DSCAML1: variants seen among roughly 807,000 people sequenced by gnomAD.
The protein encoded by DSCAML1 is DS cell adhesion molecule like 1, also known as cell adhesion molecule DSCAML1.
In DSCAML1, 38 loss-of-function variants were observed where a neutral mutation model predicts 200.5. That is an observed-to-expected ratio of 0.19 (90% CI 0.15 to 0.25). The LOEUF (loss-of-function observed/expected upper bound fraction) is 0.25, where lower values mean the gene tolerates loss of function less well. Among genes scored for constraint, DSCAML1 ranks in the 10% least tolerant of loss-of-function variants. The pLI, the probability that DSCAML1 is intolerant of heterozygous loss-of-function variation, is 1.00. For missense variants in DSCAML1, 2,223 were observed against 2,858.8 expected, an observed-to-expected ratio of 0.78 and a Z score of 5.07; for synonymous variants, 1,215 against 1,165.0, an observed-to-expected ratio of 1.04 and a Z score of -0.87.
chr11:117,590,053 A>G (rs1174491524), intron 3 of DSCAML1, among the ~76,000 whole-genome samples: 1 of 152,184 alleles, frequency 6.6e-6, no homozygotes, highest in Non-Finnish European at 1.5e-5. Context: ...CTGCATTGTT[A>G]TTTATTTAAT....
chr11:117,778,131 C>T (rs1283445273), intron 2 of DSCAML1, among the ~76,000 whole-genome samples: 1 of 152,216 alleles, frequency 6.6e-6, no homozygotes. Flanking sequence ...CTCTTCCCGG[C>T]CCTCCCTCGG....
In DSCAML1 at chr11:117,504,959, T is replaced by C; in HGVS notation, c.2147A>G (p.Tyr716Cys). ...CTTCCACATGACCTTGGGTGGGGGGTAGCCGTCCACCGAGCAGTTGAGCAC... is the reference window on the plus strand; with the variant it reads ...CTTCCACATGACCTTGGGTGGGGGGCAGCCGTCCACCGAGCAGTTGAGCAC... ...AGVLNCSVDGYPPPKVMWKHA... is the reference protein window; with the variant it reads ...AGVLNCSVDGCPPPKVMWKHA... The change falls in exon 10 of 33, where the codon TAC (tyrosine) becomes TGC (cysteine). Residue 716 changes from tyrosine (Y) to cysteine (C), a missense_variant. Around this residue, in one of 7 missense-constraint regions of DSCAML1, gnomAD observed 212 missense variants for 368.0 expected, o/e 0.58. Transcript: ENST00000651296. The surrounding 1 kb of genome is among the most constrained non-coding windows in gnomAD (Gnocchi z 5.0). The C allele has an allele frequency of 6.2e-7, 1 of 1,608,090 alleles. No homozygotes were observed. Among genetic ancestry groups the C allele is most frequent in the Non-Finnish European group, 8.5e-7 (1 of 1,176,542 alleles).
chr11:117,637,056 C>T (rs1405089001), intron 3 of DSCAML1, among the ~76,000 whole-genome samples: 3 of 152,250 alleles, frequency 2.0e-5, no homozygotes, highest in Non-Finnish European at 2.9e-5. Flanking sequence ...TTTGCACATG[C>T]TGTTCCCTGA....
At chr11:117,757,766 G>A (rs1028320319) in intron 3 of DSCAML1, among the ~76,000 whole-genome samples, 5 of 151,936 alleles carry the variant, frequency 3.3e-5, no homozygotes, top group South Asian at 2.1e-4. Flanking sequence ...TGAGGCGGGC[G>A]GATCACCTGA....
At chr11:117,806,445 G>C (rs1565294506) in intron 1 of DSCAML1, among the ~76,000 whole-genome samples, 2 of 152,240 alleles carry the variant, frequency 1.3e-5, no homozygotes, top group Non-Finnish European at 1.5e-5. Flanking sequence ...GAACTGGCGG[G>C]CTAATTGTTT....
chr11:117,430,957 A>C lies in DSCAML1; in HGVS notation c.5451T>G (p.His1817Gln). ...GCTGCAGCTGCTCCTCCAGCTTGGC[A>C]TGCTCATAGGCCCGGGCCAGCTCCT... ...TYEELARAYE[H>Q]AKLEEQLQHA... is the part of the protein sequence containing the mutation. Residue 1817 changes from histidine (H) to glutamine (Q), a missense_variant, in exon 32 of 33, where the codon CAT becomes CAG. Physicochemically the swap from His to Gln is conservative, Grantham distance 24 (BLOSUM62 0). Transcript: ENST00000651296. The C allele has an allele frequency of 6.2e-7, 1 of 1,614,168 alleles. No homozygotes were observed. Among genetic ancestry groups the C allele is most frequent in the Non-Finnish European group, 8.5e-7 (1 of 1,180,030 alleles).
rs574356773 is a variant in DSCAML1 at position 117,571,031 on chromosome 11, G to A, written c.512-38509C>T. On this transcript the variant is annotated intron_variant, in intron 3 of 32. Coordinates refer to ENST00000651296, the MANE Select transcript of DSCAML1 (RefSeq NM_020693.4). Reference sequence around the variant, plus strand: ...ACTCTTGGCCTCTTGCAGAACCTGTGCCTATGATGATGTTTTGCTGGGCAC... The same window carrying A: ...ACTCTTGGCCTCTTGCAGAACCTGTACCTATGATGATGTTTTGCTGGGCAC... Among the ~76,000 whole-genome samples the A allele has an allele frequency of 2.0e-5, 3 of 152,362 alleles. No homozygotes were observed. The South Asian group carries it at 6.2e-4, about 32-fold the overall frequency.
chr11:117,785,208 G>C (rs2055328855), intron 1 of DSCAML1, among the ~76,000 whole-genome samples: 1 of 152,228 alleles, frequency 6.6e-6, no homozygotes, highest in African/African-American at 2.4e-5. Context: ...TAAAGGACAG[G>C]GGGAGCAGGA....
chr11:117,459,023 C>CT, intron 18 of DSCAML1, 114 bp from the exon 19 acceptor site: 1 of 1,380,338 alleles, frequency 7.2e-7, no homozygotes, highest in Non-Finnish European at 9.9e-7. Flanking sequence ...GCCCTCGACT[C>CT]CATGGTGGCG....
intron 3 of DSCAML1, among the ~76,000 whole-genome samples, chr11:117,537,921 A>G (rs2050198006): frequency 6.6e-6 from 1 of 152,204 alleles, no homozygotes; most frequent in Non-Finnish European, 1.5e-5. Flanking sequence ...TGTTGTTTAA[A>G]GCCACCCAGT....
chr11:117,731,684 A>G (rs750028447), intron 3 of DSCAML1, among the ~76,000 whole-genome samples: 1 of 152,174 alleles, frequency 6.6e-6, no homozygotes, highest in Non-Finnish European at 1.5e-5. Context: ...GTCGTTTAAT[A>G]CCACAATACA....
At chr11:117,696,559 A>G (rs535417804) in intron 3 of DSCAML1, among the ~76,000 whole-genome samples, 16 of 152,226 alleles carry the variant, frequency 1.1e-4, no homozygotes, top group African/African-American at 3.4e-4. Context: ...GGGAGGCCGC[A>G]CTTCTCTTCC....
At chr11:117,691,796 TC>T (rs2053499059) in intron 3 of DSCAML1, among the ~76,000 whole-genome samples, 1 of 150,524 alleles carries the variant, frequency 6.6e-6, no homozygotes, top group South Asian at 2.1e-4. Flanking sequence ...CTACCTTCTC[TC>T]CCCAGGGGGG....
In DSCAML1 at chr11:117,498,216, C is replaced by G. The variant is rs2049330445; in HGVS notation, c.2359+5629G>C. Among the ~76,000 whole-genome samples, 3 of 152,248 alleles carry G rather than the reference C, an allele frequency of 2.0e-5. No individual in the cohort carries two copies. The highest frequency in any genetic ancestry group is 7.2e-5 in the African/African-American group (3 of 41,472). ...ATATCTTGGGCCAGTTGTTTGCCCT[C>G]TCTGGGGCCTCAGTTTGTCACCTGT... On this transcript the variant is annotated intron_variant, in intron 11 of 32. Transcript: ENST00000651296. This position sits in a 1 kb window ranked among gnomAD's most constrained non-coding sequence, Gnocchi z 4.0.
Position 117,461,573 on chromosome 11 carries a change from C to T in DSCAML1, c.3289G>A (p.Val1097Ile), listed in dbSNP as rs142275732. 93 of 1,613,706 alleles carry T rather than the reference C, an allele frequency of 5.8e-5. No homozygotes were observed. The African/African-American group carries it at 6.4e-4, about 11-fold the overall frequency. The part of the protein sequence containing the change: ...EDVPSQPPEN[V>I]RALSITSDVA... ...TCAGAAGTGATGGACAGGGCCCGGA[C>T]GTTCTCAGGGGGCTGGCTGGGCACT... The change falls in exon 18 of 33, where the codon GTC (valine) becomes ATC (isoleucine). Residue 1097 changes from valine to isoleucine, a missense_variant. Physicochemically the swap from Val to Ile is conservative, Grantham distance 29 (BLOSUM62 3). Coordinates refer to ENST00000651296, the MANE Select transcript of DSCAML1 (RefSeq NM_020693.4).
intron 3 of DSCAML1, among the ~76,000 whole-genome samples, chr11:117,713,726 G>C (rs570490794): frequency 6.6e-6 from 1 of 152,130 alleles, no homozygotes; most frequent in African/African-American, 2.4e-5. Context: ...TCCCCTTGTC[G>C]GGCCTTGACA....
Position 117,780,807 on chromosome 11 carries a change from C to A in DSCAML1, c.50G>T (p.Arg17Leu), listed in dbSNP as rs766813596. The change falls in exon 2 of 33, where the codon CGC (arginine) becomes CTC (leucine). Residue 17 changes from arginine (R) to leucine (L), a missense_variant. By Grantham distance (102) the Arg-to-Leu change is moderately radical. Transcript: ENST00000651296. The surrounding 1 kb of genome is among the most constrained non-coding windows in gnomAD (Gnocchi z 4.8). ...GAGGCTGGTGCCAACATCTTCAGGGCGGGCTGCAGGAGAGGCAAGGGGAGA... is the reference window on the plus strand; with the variant it reads ...GAGGCTGGTGCCAACATCTTCAGGGAGGGCTGCAGGAGAGGCAAGGGGAGA... The part of the protein sequence containing the change: ...LLLLDSLHKA[R>L]PEDVGTSLYF... The A allele has an allele frequency of 4.0e-5, 57 of 1,442,718 alleles. No homozygotes were observed. The highest frequency in any genetic ancestry group is 5.0e-5 in the Non-Finnish European group (55 of 1,099,746). 89.4% of individuals were successfully genotyped at this position (1,442,718 alleles called of 1,614,324 possible).
chr11:117,791,042 G>A (rs1565287478), intron 1 of DSCAML1, among the ~76,000 whole-genome samples: 1 of 152,198 alleles, frequency 6.6e-6, no homozygotes, highest in Non-Finnish European at 1.5e-5. Flanking sequence ...GCAGCTGAAC[G>A]AATGAGGGGA....
chr11:117,808,133 G>A (rs1214784445), intron 1 of DSCAML1, among the ~76,000 whole-genome samples: 1 of 152,186 alleles, frequency 6.6e-6, no homozygotes, highest in East Asian at 1.9e-4. Context: ...AGTTTTCAAA[G>A]TATGCTCACA....
Sources: gnomAD v4.1 joint callset for allele counts (sites outside exome capture counted in the v4.1 genomes callset) on GRCh38, gnomAD v4.1.1 for gene constraint, gnomAD v4.1.1 regional missense constraint, Gnocchi (gnomAD v3.1) non-coding constraint, MANE v1.5 for transcripts, NCBI Gene and HGNC (gene_info 2026-07-23, HGNC 2026-07-21) for gene names.